Variants in PTPRN2 observed in about 807,000 individuals in gnomAD.
The protein encoded by PTPRN2 is protein tyrosine phosphatase receptor type N2.
A neutral mutation model predicts 118.8 loss-of-function variants in PTPRN2; 74 were observed. The ratio of observed to expected loss-of-function variants is 0.62; its 90% CI spans 0.52 to 0.76. The LOEUF (loss-of-function observed/expected upper bound fraction) is 0.76. PTPRN2 is among the 30% of genes least tolerant of loss of function. PTPRN2 has a pLI of 0.00. For synonymous variants in PTPRN2, 641 were observed against 608.0 expected, an observed-to-expected ratio of 1.05 and a Z score of -0.80; for missense variants, 1,481 against 1,394.4, an observed-to-expected ratio of 1.06 and a Z score of -0.99.
At chr7:158,239,291 T>G (rs1795761080) in intron 3 of PTPRN2, among the ~76,000 whole-genome samples, 1 of 152,148 alleles carries the variant, frequency 6.6e-6, no homozygotes, top group Non-Finnish European at 1.5e-5. Flanking sequence ...TTCTCTCTGT[T>G]GGAGCAGACG....
At chr7:157,856,499 A>G (rs965248998) in intron 12 of PTPRN2, among the ~76,000 whole-genome samples, 8 of 152,282 alleles carry the variant, frequency 5.3e-5, no homozygotes, top group Middle Eastern at 3.4e-3. Flanking sequence ...TCAGCCTTCA[A>G]CCCTCTTACA....
At chr7:157,688,330 AT>A (rs1415069612) in intron 12 of PTPRN2, among the ~76,000 whole-genome samples, 8 of 152,224 alleles carry the variant, frequency 5.3e-5, no homozygotes, top group Non-Finnish European at 2.9e-5. Context: ...ATCAGGGAAG[AT>A]TTATGATACT....
chr7:158,536,731 GAC>G (rs1295643020), intron 1 of PTPRN2, among the ~76,000 whole-genome samples: 2 of 150,520 alleles, frequency 1.3e-5, no homozygotes, highest in Admixed American at 1.3e-4. Flanking sequence ...GACTCAGGAA[GAC>G]ACAAGGGCCT....
chr7:158,146,587 G>A lies in PTPRN2; in HGVS notation c.911-8072C>T, dbSNP rs529184207. Among the ~76,000 whole-genome samples, 52 of 151,048 alleles carry A rather than the reference G, an allele frequency of 3.4e-4. 1 individual carries two copies. The South Asian group carries it at 0.01, about 30-fold the overall frequency. On this transcript the variant is annotated intron_variant, in intron 6 of 22. Coordinates refer to ENST00000389418, the MANE Select transcript of PTPRN2 (RefSeq NM_002847.5). ...ATACAAAAAATTAGCCAGGCGTGGT[G>A]GCGGGCGCCTGTAGTCCCAGCTACT...
At chr7:157,827,099 T>C (rs1319487333) in intron 12 of PTPRN2, among the ~76,000 whole-genome samples, 2 of 152,156 alleles carry the variant, frequency 1.3e-5, no homozygotes, top group Non-Finnish European at 2.9e-5. Flanking sequence ...CTGAAGTTAC[T>C]ATATTTTCTA....
chr7:157,956,524 C>T (rs1049291872), intron 11 of PTPRN2, among the ~76,000 whole-genome samples: 14 of 152,262 alleles, frequency 9.2e-5, no homozygotes, highest in African/African-American at 2.9e-4. Flanking sequence ...AATTGACTGG[C>T]TATCCCTAGC....
intron 11 of PTPRN2, among the ~76,000 whole-genome samples, chr7:158,016,386 G>T (rs1806459118): frequency 6.6e-6 from 1 of 152,214 alleles, no homozygotes; most frequent in Non-Finnish European, 1.5e-5. Context: ...GGCTGTGAGT[G>T]TAAGAAAGTC....
In PTPRN2 at chr7:157,845,502, C is replaced by A. The variant is rs987757994; in HGVS notation, c.1788+53171G>T. Reference sequence around the variant, plus strand: ...CCCGACCACACCCTGGTGAACCACGCAGCCTAACTCAGCATGTTCCCGGCC... The same window carrying A: ...CCCGACCACACCCTGGTGAACCACGAAGCCTAACTCAGCATGTTCCCGGCC... On this transcript the variant is annotated intron_variant, in intron 12 of 22. Coordinates refer to ENST00000389418, the MANE Select transcript of PTPRN2 (RefSeq NM_002847.5). The surrounding 1 kb of genome is among the most constrained non-coding windows in gnomAD (Gnocchi z 4.5). Among the ~76,000 whole-genome samples the A allele has an allele frequency of 6.6e-6, 1 of 152,094 alleles. No individual in the cohort carries two copies. Among genetic ancestry groups the A allele is most frequent in the African/African-American group, 2.4e-5 (1 of 41,394 alleles).
intron 1 of PTPRN2, among the ~76,000 whole-genome samples, chr7:158,545,664 G>A (rs1826235573): frequency 6.6e-6 from 1 of 152,188 alleles, no homozygotes; most frequent in Admixed American, 6.5e-5. Context: ...AGGCTCTGGA[G>A]TTGCTGTCAC....
intron 5 of PTPRN2, among the ~76,000 whole-genome samples, chr7:158,188,157 GTACT>G (rs1563576165): frequency 1.4e-5 from 2 of 143,850 alleles, no homozygotes; most frequent in Admixed American, 7.0e-5. Flanking sequence ...CTCGCCCCCT[GTACT>G]GGGAAGGCCG....
chr7:158,057,650 C>A lies in PTPRN2; in HGVS notation c.1723+23648G>T, dbSNP rs1168254718. Reference sequence around the variant, plus strand: ...AAAGGGAAGTGGGTGCATGGAGGACCCCAGAGAGCCCAGGCCCCACTTCCT... The same window carrying A: ...AAAGGGAAGTGGGTGCATGGAGGACACCAGAGAGCCCAGGCCCCACTTCCT... On this transcript the variant is annotated intron_variant, in intron 11 of 22. Transcript: ENST00000389418. Among the ~76,000 whole-genome samples, 4 of 152,230 alleles carry A rather than the reference C, an allele frequency of 2.6e-5. No individual in the cohort carries two copies. In the South Asian group the frequency reaches 6.2e-4, roughly 24 times the overall value.
intron 2 of PTPRN2, among the ~76,000 whole-genome samples, chr7:158,347,700 G>A (rs11770384): frequency 4.7e-4 from 51 of 108,482 alleles, no homozygotes; most frequent in African/African-American, 1.6e-3. Flanking sequence ...TAGGTAGTAC[G>A]GACATTTTAA....
chr7:157,606,976 G>A (rs948331785), intron 15 of PTPRN2, among the ~76,000 whole-genome samples: 8 of 152,154 alleles, frequency 5.3e-5, no homozygotes, highest in African/African-American at 1.9e-4. Flanking sequence ...CTAGAGAGAG[G>A]AGAAGAATGC....
At chr7:157,922,874 G>C (rs11771486) in intron 11 of PTPRN2, among the ~76,000 whole-genome samples, 9 of 152,214 alleles carry the variant, frequency 5.9e-5, no homozygotes, top group African/African-American at 2.2e-4. Flanking sequence ...TATTTGCTGT[G>C]CTTCAGAGCA....
At chr7:158,201,056 G>GTTT (rs112552696) in intron 4 of PTPRN2, among the ~76,000 whole-genome samples, 7 of 149,392 alleles carry the variant, frequency 4.7e-5, no homozygotes, top group Admixed American at 6.6e-5. Context: ...AAAAAAAAGT[G>GTTT]GTTTTTTTTT....
In PTPRN2 at chr7:157,900,979, C is replaced by T. The variant is rs779311836; in HGVS notation, c.1724-2242G>A. On this transcript the variant is annotated intron_variant, in intron 11 of 22. Coordinates refer to ENST00000389418, the MANE Select transcript of PTPRN2 (RefSeq NM_002847.5). ...ACAAGGAAAAGAGGTTTATTTGGCTCACAGTCCTGCAGGCTGCACAAGAAG... is the reference window on the plus strand; with the variant it reads ...ACAAGGAAAAGAGGTTTATTTGGCTTACAGTCCTGCAGGCTGCACAAGAAG... Among the ~76,000 whole-genome samples, 15 of 152,224 alleles carry T rather than the reference C, an allele frequency of 9.9e-5. 1 individual carries two copies. Among genetic ancestry groups the T allele is most frequent in the Admixed American group, 5.9e-4 (9 of 15,292 alleles).
chr7:158,330,474 C>G (rs576509825), intron 2 of PTPRN2, among the ~76,000 whole-genome samples: 2 of 108,932 alleles, frequency 1.8e-5, no homozygotes, highest in African/African-American at 3.0e-5. Context: ...CACACCCACA[C>G]TCTCACCCTA....
chr7:157,948,549 G>T (rs1322545272), intron 11 of PTPRN2, among the ~76,000 whole-genome samples: 1 of 152,230 alleles, frequency 6.6e-6, no homozygotes, highest in Non-Finnish European at 1.5e-5. Context: ...GAGGAAAAAA[G>T]GTGTAAGACA....
chr7:157,717,068 C>T (rs866181702), intron 12 of PTPRN2, among the ~76,000 whole-genome samples: 4 of 140,862 alleles, frequency 2.8e-5, no homozygotes, highest in Non-Finnish European at 4.7e-5. Flanking sequence ...GTAGACTCTG[C>T]AGGAACACTG....
Sources: gnomAD v4.1 joint callset for allele counts (sites outside exome capture counted in the v4.1 genomes callset) on GRCh38, gnomAD v4.1.1 for gene constraint, Gnocchi (gnomAD v3.1) non-coding constraint, MANE v1.5 for transcripts, NCBI Gene and HGNC (gene_info 2026-07-23, HGNC 2026-07-21) for gene names.